The following SPG21 variants were observed in gnomAD, a reference collection of about 807,000 sequenced individuals.
The protein encoded by SPG21 is SPG21 abhydrolase domain containing, maspardin, also known as maspardin.
In SPG21, 26 loss-of-function variants were observed where a neutral mutation model predicts 38.9. The ratio of observed to expected loss-of-function variants is 0.67; its 90% CI spans 0.49 to 0.93. The LOEUF (loss-of-function observed/expected upper bound fraction) is 0.93. Among genes scored for constraint, SPG21 ranks in the 40% least tolerant of loss-of-function variants. The probability of loss-of-function intolerance (pLI) is 0.00; values close to 1 mark genes in which losing one functional copy is unlikely to be tolerated. For missense variants in SPG21, 333 were observed against 376.5 expected (o/e 0.88, Z 0.96); for synonymous variants, 136 against 128.9 (o/e 1.05, Z -0.37).
At chr15:64,964,066 T>C (rs931692393) in intron 8 of SPG21, among the ~76,000 whole-genome samples, 20 of 152,172 alleles carry the variant, frequency 1.3e-4, no homozygotes, top group Non-Finnish European at 2.5e-4. Flanking sequence ...AGAATCATTG[T>C]TTTAAATGGC....
At position 64,973,264 on chromosome 15, in the gene SPG21, G is replaced by C. The variant is rs531095266; in HGVS notation, c.452+1338C>G. ...GAGTACGGCATGAGCCATCACACCT[G>C]GCCACTGGGCTTTATTTTAAGGCTA... On this transcript the variant is annotated intron_variant, in intron 5 of 8. Transcript: ENST00000204566. Among the ~76,000 whole-genome samples the C allele has an allele frequency of 7.0e-4, 106 of 152,056 alleles. 1 individual carries two copies. Among genetic ancestry groups the C allele is most frequent in the African/African-American group, 2.4e-3 (100 of 41,488 alleles).
chr15:64,972,416 A>C (rs1159490337), intron 5 of SPG21, among the ~76,000 whole-genome samples: 2 of 152,230 alleles, frequency 1.3e-5, no homozygotes, highest in African/African-American at 4.8e-5. Flanking sequence ...ACAGCAATAA[A>C]AATCACCAAA....
In SPG21 at chr15:64,963,524, G is replaced by C; in HGVS notation, c.*96C>G. Reference sequence around the variant, plus strand: ...AGACACAGTGAGAACCGGTGAGCCTGACGAACCTGAAGGAAAAGGCTGGCT... The same window carrying C: ...AGACACAGTGAGAACCGGTGAGCCTCACGAACCTGAAGGAAAAGGCTGGCT... On this transcript the variant is annotated 3_prime_UTR_variant, in exon 9 of 9. Transcript: ENST00000204566. 9.9e-7 allele frequency: 1 copy of C among 1,008,734 alleles called. No homozygotes were observed. The highest frequency in any genetic ancestry group is 1.3e-5 in the South Asian group (1 of 76,668). The allele number at this position is 1,008,734 out of a possible 1,614,324, so 62.5% of individuals were successfully genotyped here. A position where few individuals can be genotyped will look rare whatever the true frequency, so the allele number is the denominator to read the frequency against.
chr15:64,966,845 G>T (rs1318877287), intron 7 of SPG21, among the ~76,000 whole-genome samples: 1 of 152,134 alleles, frequency 6.6e-6, no homozygotes, highest in Admixed American at 6.6e-5. Context: ...CTTGCAGTGA[G>T]CCAAGATCGC....
At chr15:64,980,109 T>G (rs2085854059) in intron 3 of SPG21, among the ~76,000 whole-genome samples, 1 of 152,200 alleles carries the variant, frequency 6.6e-6, no homozygotes, top group South Asian at 2.1e-4. Context: ...CTTTGTTGTC[T>G]AATATTCCAT....
intron 3 of SPG21, among the ~76,000 whole-genome samples, chr15:64,979,870 C>T (rs1259385390): frequency 2.3e-5 from 3 of 131,856 alleles, no homozygotes; most frequent in Non-Finnish European, 4.7e-5. Context: ...AAAAAAAAAT[C>T]AGTCACCAGG....
intron 2 of SPG21, among the ~76,000 whole-genome samples, chr15:64,981,916 A>G (rs1195350221): frequency 3.9e-5 from 6 of 152,096 alleles, no homozygotes; most frequent in Admixed American, 3.9e-4. Context: ...TTTTTCTGAG[A>G]GCTCCTCACT....
intron 3 of SPG21, among the ~76,000 whole-genome samples, chr15:64,980,056 A>G (rs2085853270): frequency 6.6e-6 from 1 of 152,180 alleles, no homozygotes. Context: ...AAAGATTTAC[A>G]TGAAAAGCCA....
intron 8 of SPG21, among the ~76,000 whole-genome samples, chr15:64,964,988 G>C (rs2085514690): frequency 6.6e-6 from 1 of 151,996 alleles, no homozygotes; most frequent in Non-Finnish European, 1.5e-5. Context: ...GACTCAGATT[G>C]ACCCCATTTA....
intron 1 of SPG21, among the ~76,000 whole-genome samples, chr15:64,985,943 G>C (rs1260127146): frequency 6.6e-6 from 1 of 152,194 alleles, no homozygotes; most frequent in East Asian, 1.9e-4. Context: ...TTTTAGAGAA[G>C]TGTGTTAAAA....
intron 3 of SPG21, 122 bp downstream of exon 3, chr15:64,980,742 A>AACAG: frequency 1.0e-6 from 1 of 955,718 alleles, no homozygotes; most frequent in Non-Finnish European, 1.4e-6. Context: ...CATCTCAACA[A>AACAG]ACAAACAAAC....
rs564056358 is a variant in SPG21, at chr15:64,975,434, G to C, written c.307-687C>G. Among the ~76,000 whole-genome samples the C allele has an allele frequency of 2.0e-5, 3 of 150,646 alleles. No homozygotes were observed. In the East Asian group the frequency reaches 5.8e-4, roughly 29 times the overall value. ...TCCTAGCTACTTGGGAGGTTGAGGTGGGAGGATCGCTTGAGCCCAAAAGGT... is the reference window on the plus strand; with the variant it reads ...TCCTAGCTACTTGGGAGGTTGAGGTCGGAGGATCGCTTGAGCCCAAAAGGT... On this transcript the variant is annotated intron_variant, in intron 4 of 8. Transcript: ENST00000204566.
At chr15:64,965,888 G>C (rs151112250) in intron 7 of SPG21, among the ~76,000 whole-genome samples, 263 of 152,174 alleles carry the variant, frequency 1.7e-3, no homozygotes, top group African/African-American at 6.0e-3. Context: ...TTTTAGTAGA[G>C]ATGGGGTTTC....
At position 64,972,257 on chromosome 15, in the gene SPG21, G is replaced by A. The variant is rs1012678970; in HGVS notation, c.453-2035C>T. ...TTTGAAGGTGATGAGGTCTAAGTAC[G>A]CTCTGTAAGGGGTGGACCCTGTTGA... On this transcript the variant is annotated intron_variant, in intron 5 of 8. Transcript: ENST00000204566. Among the ~76,000 whole-genome samples, 6 of 152,116 alleles carry A rather than the reference G, an allele frequency of 3.9e-5. 1 individual carries two copies. Among genetic ancestry groups the A allele is most frequent in the Admixed American group, 1.3e-4 (2 of 15,264 alleles).
chr15:64,967,137 T>C (rs2085555521), intron 7 of SPG21, among the ~76,000 whole-genome samples: 1 of 152,192 alleles, frequency 6.6e-6, no homozygotes, highest in African/African-American at 2.4e-5. Context: ...GTATAGCCAC[T>C]GTGGAAGACA....
rs1344965330 is a variant in SPG21, at chr15:64,963,783, T to G, written c.811-47A>C. 5 of 1,555,884 alleles carry G rather than the reference T, an allele frequency of 3.2e-6. No individual in the cohort carries two copies. In the Admixed American group the frequency reaches 8.4e-5, roughly 26 times the overall value. ...ATTTTATTTATTTTTTGAGCTGGAG[T>G]GTCACTCTTGTTGCCCAGGCTGGAG... On this transcript the variant is annotated intron_variant, in intron 8 of 8. Coordinates refer to ENST00000204566, the MANE Select transcript of SPG21 (RefSeq NM_016630.7).
chr15:64,983,371 T>G, intron 2 of SPG21, 136 bp downstream of exon 2: 1 of 669,506 alleles, frequency 1.5e-6, no homozygotes, highest in East Asian at 2.8e-5. Flanking sequence ...GGAGTGAACT[T>G]AATCCTCTGC....
intron 6 of SPG21, 97 bp downstream of exon 6, chr15:64,970,017 C>T (rs1195150077): frequency 2.9e-6 from 3 of 1,020,278 alleles, no homozygotes; most frequent in African/African-American, 3.1e-5. Context: ...GCAAATACCT[C>T]TTACACATAC....
At chr15:64,980,833 G>T (rs773138309) in intron 3 of SPG21, 31 bp downstream of exon 3, 9 of 1,604,754 alleles carry the variant, frequency 5.6e-6, no homozygotes, top group Admixed American at 1.7e-5. Flanking sequence ...CACACAAAAC[G>T]TGGGTCTGAA....
Sources: allele counts gnomAD v4.1 joint callset (sites outside exome capture counted in the v4.1 genomes callset), GRCh38; gene constraint gnomAD v4.1.1; transcripts MANE v1.5; gene names NCBI Gene and HGNC (gene_info 2026-07-23, HGNC 2026-07-21).